The following PIR variants were observed in gnomAD, a reference collection of about 807,000 sequenced individuals.
PIR encodes the protein pirin (iron-binding nuclear protein).
A neutral mutation model predicts 24.2 loss-of-function variants in PIR; 22 were observed. The observed-to-expected ratio is 0.91, with a 90% CI of 0.65 to 1.30. PIR has a LOEUF of 1.30. Among genes scored for constraint, PIR ranks in the 50% most tolerant of loss-of-function variants. The pLI, the probability that PIR is intolerant of heterozygous loss-of-function variation, is 0.00. For missense variants in PIR, 220 were observed against 220.3 expected (o/e 1.00, Z 0.01); for synonymous variants, 80 against 79.6 (o/e 1.00, Z -0.03).
At chrX:15,396,826 C>T (rs753934868) in intron 8 of PIR, among the ~76,000 whole-genome samples, 1 of 110,081 alleles carries the variant, frequency 9.1e-6, no homozygotes, top group Admixed American at 9.6e-5. Flanking sequence ...CTGCAAGCTC[C>T]ACCTCCCGGG....
At chrX:15,418,003 GGA>G (rs1924983962) in intron 6 of PIR, among the ~76,000 whole-genome samples, 1 of 111,529 alleles carries the variant, frequency 9.0e-6, no homozygotes, top group African/African-American at 3.3e-5. Flanking sequence ...ATCTTTGGGG[GGA>G]CATTATTTTG....
At chrX:15,397,793 G>A (rs1177156211) in intron 7 of PIR, among the ~76,000 whole-genome samples, 2 of 111,762 alleles carry the variant, frequency 1.8e-5, no homozygotes. Flanking sequence ...CAAAGTCCTT[G>A]GCATTATGTG....
At chrX:15,424,381 G>A (rs1466230537) in intron 6 of PIR, among the ~76,000 whole-genome samples, 1 of 111,853 alleles carries the variant, frequency 8.9e-6, no homozygotes, top group Non-Finnish European at 1.9e-5. Flanking sequence ...AAGACTGGTG[G>A]TTACCAGAAG....
chrX:15,444,696 C>T (rs1926030767), intron 5 of PIR, among the ~76,000 whole-genome samples: 1 of 111,743 alleles, frequency 8.9e-6, no homozygotes, highest in Admixed American at 9.5e-5. Context: ...TTTGGACTGA[C>T]ATGTAACAGA....
At chrX:15,428,848 C>A (rs913458915) in intron 5 of PIR, among the ~76,000 whole-genome samples, 8 of 111,990 alleles carry the variant, frequency 7.1e-5, no homozygotes, top group Middle Eastern at 4.6e-3. Flanking sequence ...AAACACTTAT[C>A]TTCTTCTGGG....
chrX:15,417,117 T>C lies in PIR; in HGVS notation c.565+8789A>G, dbSNP rs1411028832. Among the ~76,000 whole-genome samples, 9 of 109,116 alleles carry C rather than the reference T, an allele frequency of 8.2e-5. No individual in the cohort carries two copies. In the Admixed American group the frequency reaches 8.8e-4, roughly 11 times the overall value. 94.8% of individuals were successfully genotyped at this position (109,116 alleles called of 115,157 possible). A position where few individuals can be genotyped will look rare whatever the true frequency, so the allele number is the denominator to read the frequency against. On this transcript the variant is annotated intron_variant, in intron 6 of 9. Coordinates refer to ENST00000380420, the MANE Select transcript of PIR (RefSeq NM_001018109.3). ...GGCCCGCACGACCATGCCTGGCTAA[T>C]TTTTGTATTTTTAGTAGAGATGGGG...
At chrX:15,472,770 C>A (rs1406530175) in intron 3 of PIR, among the ~76,000 whole-genome samples, 1 of 112,075 alleles carries the variant, frequency 8.9e-6, no homozygotes, top group African/African-American at 3.2e-5. Flanking sequence ...AGTACATAAA[C>A]CACTACTTTT....
At chrX:15,466,004 C>CTTT (rs1281489150) in intron 3 of PIR, among the ~76,000 whole-genome samples, 5 of 56,303 alleles carry the variant, frequency 8.9e-5, no homozygotes, top group Admixed American at 2.7e-4. Context: ...AAAATGGTGG[C>CTTT]TGTTTTTTTT....
At chrX:15,433,546 GAGAGAAAGAAAGAA>G (rs1485890739) in intron 5 of PIR, among the ~76,000 whole-genome samples, 5 of 62,918 alleles carry the variant, frequency 7.9e-5, no homozygotes, top group South Asian at 9.5e-4. Flanking sequence ...GAAAGAAAGA[GAGAGAAAGAAAGAA>G]AGAGAGAGAA....
intron 5 of PIR, among the ~76,000 whole-genome samples, chrX:15,455,040 C>T (rs958800697): frequency 8.9e-6 from 1 of 112,118 alleles, no homozygotes; most frequent in African/African-American, 3.2e-5. Context: ...GTCCTGATTC[C>T]TTTTACTGTT....
chrX:15,434,863 G>T (rs752593006), intron 5 of PIR, among the ~76,000 whole-genome samples: 30 of 111,221 alleles, frequency 2.7e-4, no homozygotes, highest in South Asian at 1.5e-3. Context: ...CCCATCCAAA[G>T]ATCATATAAA....
chrX:15,399,095 G>GA (rs758225978), intron 7 of PIR, among the ~76,000 whole-genome samples: 2 of 111,211 alleles, frequency 1.8e-5, no homozygotes, highest in South Asian at 3.8e-4. Context: ...TTGCAGTTGG[G>GA]AAAAACCCTG....
intron 5 of PIR, among the ~76,000 whole-genome samples, chrX:15,442,131 G>T (rs2147047905): frequency 9.1e-6 from 1 of 109,831 alleles, no homozygotes; most frequent in South Asian, 4.0e-4. Context: ...AAATCTATGG[G>T]TGTCATTTTT....
At chrX:15,419,355 G>A (rs2147025731) in intron 6 of PIR, among the ~76,000 whole-genome samples, 1 of 103,389 alleles carries the variant, frequency 9.7e-6, no homozygotes, top group African/African-American at 3.7e-5. Flanking sequence ...GTGTGTGTGT[G>A]TGTGTGTGTG....
intron 3 of PIR, among the ~76,000 whole-genome samples, chrX:15,472,656 C>G (rs190213129): frequency 2.1e-4 from 23 of 111,792 alleles, no homozygotes; most frequent in Non-Finnish European, 3.6e-4. Flanking sequence ...TTCCTAGGAG[C>G]TGGAGGAAGG....
intron 3 of PIR, among the ~76,000 whole-genome samples, chrX:15,478,025 C>A (rs1329876369): frequency 5.9e-5 from 6 of 101,234 alleles, no homozygotes; most frequent in African/African-American, 2.1e-4. Flanking sequence ...CCCCCCCCCC[C>A]AGAAAGCATT....
intron 2 of PIR, 62 bp from the exon 3 acceptor site, chrX:15,479,883 C>T (rs1602300183): frequency 3.1e-5 from 17 of 549,144 alleles, no homozygotes; most frequent in Middle Eastern, 4.0e-4. Context: ...CCAGGGGCTA[C>T]ATTTATGAAC....
chrX:15,476,541 A>G (rs1922202334), intron 3 of PIR, among the ~76,000 whole-genome samples: 2 of 111,399 alleles, frequency 1.8e-5, no homozygotes, highest in Non-Finnish European at 3.8e-5. Flanking sequence ...CTGAAGGCAT[A>G]CAAAACAAGC....
In PIR at chrX:15,407,528, C is replaced by T. The variant is rs752822548; in HGVS notation, c.588G>A (p.Thr196=). Residue 196 remains threonine (T), a synonymous_variant, in exon 7 of 10, where the codon ACG becomes ACA. Coordinates refer to ENST00000380420, the MANE Select transcript of PIR (RefSeq NM_001018109.3). ...TACCAATATACACATCTCCAGATAT[C>T]GTGTAAATGAAGCTTGTCCACCCTG... is the stretch of plus-strand genomic sequence containing the variant. The part of the protein sequence containing the change: ...IPKGWTSFIY[T]ISGDVYIGPD... 1.2e-5 allele frequency: 14 copies of T among 1,200,653 alleles called. No homozygotes were observed. Among genetic ancestry groups the T allele is most frequent in the East Asian group, 3.0e-5 (1 of 33,788 alleles).
Sources: allele counts gnomAD v4.1 joint callset (sites outside exome capture counted in the v4.1 genomes callset), GRCh38; gene constraint gnomAD v4.1.1; transcripts MANE v1.5; gene names NCBI Gene and HGNC (gene_info 2026-07-23, HGNC 2026-07-21).